The following WNT3 variants were observed in gnomAD, a reference collection of about 807,000 sequenced individuals.
The protein encoded by WNT3 is proto-oncogene Wnt-3.
Under a neutral mutation model 34.2 loss-of-function variants are expected in WNT3, and 7 were observed. That is an observed-to-expected ratio of 0.20 (90% CI 0.12 to 0.38). The LOEUF (loss-of-function observed/expected upper bound fraction) is 0.38, where lower values mean the gene tolerates loss of function less well. Ranked by LOEUF, WNT3 falls within the 10% of genes least tolerant of loss-of-function variation. WNT3 has a pLI of 1.00. For synonymous variants in WNT3, 212 were observed against 211.5 expected (o/e 1.00, Z -0.02); for missense variants, 267 against 499.8 (o/e 0.53, Z 4.44).
intron 2 of WNT3, among the ~76,000 whole-genome samples, chr17:46,772,316 C>T (rs1248726721): frequency 6.6e-6 from 1 of 152,270 alleles, no homozygotes; most frequent in Non-Finnish European, 1.5e-5. Context: ...GTGCCAGAAC[C>T]TACGGTGGTG....
At chr17:46,785,512 GC>G (rs1454157327) in intron 1 of WNT3, among the ~76,000 whole-genome samples, 1 of 152,244 alleles carries the variant, frequency 6.6e-6, no homozygotes, top group Non-Finnish European at 1.5e-5. Context: ...GGCCCCAGGA[GC>G]CCCGGAAACT....
At chr17:46,777,189 G>A (rs1261163688) in intron 1 of WNT3, among the ~76,000 whole-genome samples, 3 of 152,042 alleles carry the variant, frequency 2.0e-5, no homozygotes, top group East Asian at 3.9e-4. Flanking sequence ...CAGCTTGGGC[G>A]ACAGAGCGAG....
intron 1 of WNT3, among the ~76,000 whole-genome samples, chr17:46,808,894 GC>G (rs1190769968): frequency 6.6e-6 from 1 of 152,200 alleles, no homozygotes; most frequent in African/African-American, 2.4e-5. Context: ...AGGTCGAGGG[GC>G]CCATCCACCT....
At chr17:46,767,206 GCAGGCCACCT>G (rs1285300303) in intron 4 of WNT3, among the ~76,000 whole-genome samples, 1 of 152,132 alleles carries the variant, frequency 6.6e-6, no homozygotes, top group Non-Finnish European at 1.5e-5. Context: ...CGCCTCCCAT[GCAGGCCACCT>G]CTGGGAAGCT....
intron 1 of WNT3, among the ~76,000 whole-genome samples, chr17:46,810,163 C>T (rs918652843): frequency 1.3e-5 from 2 of 151,958 alleles, no homozygotes; most frequent in African/African-American, 2.4e-5. Flanking sequence ...CCCACCACCA[C>T]GCCCAGCTAA....
chr17:46,777,066 C>T (rs751864494), intron 1 of WNT3, among the ~76,000 whole-genome samples: 17 of 152,284 alleles, frequency 1.1e-4, no homozygotes, highest in Non-Finnish European at 1.5e-4. Flanking sequence ...AGAGGCCGAC[C>T]ATGCCAGGTG....
intron 1 of WNT3, among the ~76,000 whole-genome samples, chr17:46,776,090 G>C (rs199521): frequency 0.62 from 95,017 of 152,158 alleles, 32,340 homozygotes; most frequent in South Asian, 0.82. Flanking sequence ...TGATGAAGCA[G>C]CCCAGACCAC....
Position 46,768,586 on chromosome 17 carries a change from G to C in WNT3, c.802C>G (p.Pro268Ala). The change falls in exon 4 of 5, where the codon CCA becomes GCA. Residue 268 changes from proline (P) to alanine (A), a missense_variant. This residue lies in a region of WNT3 where 181 missense variants were observed against 391.3 expected (regional missense o/e 0.46). Coordinates refer to ENST00000225512, the MANE Select transcript of WNT3 (RefSeq NM_030753.5). The surrounding 1 kb of genome is among the most constrained non-coding windows in gnomAD (Gnocchi z 5.0). ...TLRAKYSLFK[P>A]PTERDLVYYE... Reference sequence around the variant, plus strand: ...TAGACCAGGTCCCTCTCCGTGGGTGGCTTGAAGAGCGAGTACTTGGCCCGG... The same window carrying C: ...TAGACCAGGTCCCTCTCCGTGGGTGCCTTGAAGAGCGAGTACTTGGCCCGG... 6.2e-7 allele frequency: 1 copy of C among 1,614,180 alleles called. No homozygotes were observed. The highest frequency in any genetic ancestry group is 8.5e-7 in the Non-Finnish European group (1 of 1,180,038).
intron 1 of WNT3, among the ~76,000 whole-genome samples, chr17:46,782,017 A>C (rs1349992939): frequency 4.6e-5 from 7 of 152,174 alleles, no homozygotes; most frequent in Non-Finnish European, 1.0e-4. Flanking sequence ...GGGCACAAAA[A>C]GGACCCACCT....
At chr17:46,772,246 C>T (rs2059380878) in intron 2 of WNT3, among the ~76,000 whole-genome samples, 1 of 152,160 alleles carries the variant, frequency 6.6e-6, no homozygotes, top group Non-Finnish European at 1.5e-5. Flanking sequence ...CTCTCGGGCA[C>T]ACATCGCCCC....
intron 1 of WNT3, among the ~76,000 whole-genome samples, chr17:46,789,406 C>T (rs2083951264): frequency 6.6e-6 from 1 of 152,192 alleles, no homozygotes; most frequent in African/African-American, 2.4e-5. Context: ...CACCCAGGCT[C>T]CAACACCAGC....
chr17:46,785,622 C>T (rs1230635037), intron 1 of WNT3, among the ~76,000 whole-genome samples: 3 of 152,308 alleles, frequency 2.0e-5, no homozygotes, highest in Middle Eastern at 3.4e-3. Flanking sequence ...TTCAGGGCCA[C>T]GAGGGGCCTT....
At chr17:46,771,135 C>G (rs1568074784) in intron 2 of WNT3, among the ~76,000 whole-genome samples, 1 of 152,248 alleles carries the variant, frequency 6.6e-6, no homozygotes, top group Non-Finnish European at 1.5e-5. Flanking sequence ...CTCTCCGCGG[C>G]CCCCACGCCC....
chr17:46,793,540 C>T (rs1268101338), intron 1 of WNT3, among the ~76,000 whole-genome samples: 1 of 152,094 alleles, frequency 6.6e-6, no homozygotes, highest in African/African-American at 2.4e-5. Context: ...GGACCCACGC[C>T]CAAGGCATTG....
At chr17:46,802,516 C>A (rs893364296) in intron 1 of WNT3, among the ~76,000 whole-genome samples, 2 of 152,204 alleles carry the variant, frequency 1.3e-5, no homozygotes, top group Non-Finnish European at 2.9e-5. Context: ...GATCCACCTG[C>A]CTCGGCCTCC....
At chr17:46,816,479 A>G (rs8077829) in intron 1 of WNT3, among the ~76,000 whole-genome samples, 926 of 24,918 alleles carry the variant, frequency 0.037, 12 homozygotes, top group African/African-American at 0.19. Flanking sequence ...ACACACGCAC[A>G]CACACACACA....
intron 1 of WNT3, among the ~76,000 whole-genome samples, chr17:46,812,056 A>T (rs1417016856): frequency 6.6e-6 from 1 of 152,154 alleles, no homozygotes; most frequent in African/African-American, 2.4e-5. Flanking sequence ...CCTTCCCAGA[A>T]GGCCCGTTTT....
At chr17:46,789,336 G>C (rs941709288) in intron 1 of WNT3, among the ~76,000 whole-genome samples, 10 of 152,318 alleles carry the variant, frequency 6.6e-5, no homozygotes, top group African/African-American at 2.4e-4. Flanking sequence ...GGCTACTGGG[G>C]TCAGGGATGC....
Position 46,769,765 on chromosome 17 carries a change from G to T in WNT3, c.588+18C>A. 2 of 1,608,154 alleles carry T rather than the reference G, an allele frequency of 1.2e-6. No homozygotes were observed. Among genetic ancestry groups the T allele is most frequent in the Non-Finnish European group, 8.5e-7 (1 of 1,179,804 alleles). Reference sequence around the variant, plus strand: ...GGGGCTGCTCCCTGAAGGGTTTGGGGAGGGTAGCCGGGCTCACCGTGCGGC... The same window carrying T: ...GGGGCTGCTCCCTGAAGGGTTTGGGTAGGGTAGCCGGGCTCACCGTGCGGC... On this transcript the variant is annotated intron_variant, in intron 3 of 4. Transcript: ENST00000225512.
Sources: gnomAD v4.1 joint callset for allele counts (sites outside exome capture counted in the v4.1 genomes callset) on GRCh38, gnomAD v4.1.1 for gene constraint, gnomAD v4.1.1 regional missense constraint, Gnocchi (gnomAD v3.1) non-coding constraint, MANE v1.5 for transcripts, NCBI Gene and HGNC (gene_info 2026-07-23, HGNC 2026-07-21) for gene names.